LRRC20: variants seen among roughly 807,000 people sequenced by gnomAD.
LRRC20 encodes the protein leucine-rich repeat-containing protein 20.
LRRC20 carries 11 observed loss-of-function variants against 14.4 expected under a neutral mutation model. That is an observed-to-expected ratio of 0.77 (90% confidence interval 0.48 to 1.27). The LOEUF is 1.27. LRRC20 is among the 50% of genes most tolerant of loss of function. The probability of loss-of-function intolerance (pLI) is 0.00; values close to 1 mark genes in which losing one functional copy is unlikely to be tolerated. For synonymous variants in LRRC20, 121 were observed against 107.3 expected, an observed-to-expected ratio of 1.13 and a Z score of -0.79; for missense variants, 219 against 251.2, an observed-to-expected ratio of 0.87 and a Z score of 0.87.
rs1258075173 is a variant in LRRC20, at chr10:70,300,351, A to G, written c.*1003T>C. 1 of 985,234 alleles carries G rather than the reference A, an allele frequency of 1.0e-6. No homozygotes were observed. Among genetic ancestry groups the G allele is most frequent in the African/African-American group, 1.7e-5 (1 of 57,230 alleles). The allele number at this position is 985,234 out of a possible 1,614,324, so 61.0% of individuals were successfully genotyped here. On this transcript the variant is annotated 3_prime_UTR_variant, in exon 5 of 5. Transcript: ENST00000446961. ...CAGCTGGTCACCCTGTTGCCTGACC[A>G]TACCCTAAGATGCCAGGTTGAGGGC...
intron 4 of LRRC20, among the ~76,000 whole-genome samples, chr10:70,316,360 T>C (rs1219026989): frequency 6.6e-6 from 1 of 152,226 alleles, no homozygotes; most frequent in Non-Finnish European, 1.5e-5. Flanking sequence ...CTCAAACTCC[T>C]GACCTCAAGT....
chr10:70,300,997 G>T lies in LRRC20; in HGVS notation c.*357C>A. ...ATGCCCACCTGTGCCTGCTGATCTG[G>T]AGGTAACTTGGAGGCACGTACTGCT... On this transcript the variant is annotated 3_prime_UTR_variant, in exon 5 of 5. Transcript: ENST00000446961. 2 of 1,032,558 alleles carry T rather than the reference G, an allele frequency of 1.9e-6. No individual in the cohort carries two copies. Among genetic ancestry groups the T allele is most frequent in the Non-Finnish European group, 2.3e-6 (2 of 861,400 alleles). 64.0% of individuals were successfully genotyped at this position (1,032,558 alleles called of 1,614,324 possible). A position where few individuals can be genotyped will look rare whatever the true frequency, so the allele number is the denominator to read the frequency against.
intron 4 of LRRC20, among the ~76,000 whole-genome samples, chr10:70,323,565 G>C (rs1842182863): frequency 6.6e-6 from 1 of 152,232 alleles, no homozygotes; most frequent in African/African-American, 2.4e-5. Flanking sequence ...GCCTAGGCTG[G>C]TAGGTGAGAA....
At position 70,362,112 on chromosome 10, in the gene LRRC20, G is replaced by A. The variant is rs540053371; in HGVS notation, c.82+14340C>T. On this transcript the variant is annotated intron_variant, in intron 2 of 4. Coordinates refer to ENST00000446961, the MANE Select transcript of LRRC20 (RefSeq NM_001278212.2). ...AAGCACGAGAATCACTTGAACCCAG[G>A]AGGCGGAGGTTGCAGTGAGCTGAGA... Among the ~76,000 whole-genome samples the A allele has an allele frequency of 2.6e-5, 4 of 152,354 alleles. No homozygotes were observed. The East Asian group carries it at 7.7e-4, about 29-fold the overall frequency.
intron 2 of LRRC20, among the ~76,000 whole-genome samples, chr10:70,349,919 C>A (rs375242801): frequency 6.6e-6 from 1 of 152,126 alleles, no homozygotes; most frequent in South Asian, 2.1e-4. Flanking sequence ...TTTAGGGTCA[C>A]CCTAGATTCA....
chr10:70,309,381 A>C (rs1157348803), intron 4 of LRRC20, among the ~76,000 whole-genome samples: 2 of 152,206 alleles, frequency 1.3e-5, no homozygotes, highest in Admixed American at 1.3e-4. Flanking sequence ...TTGATGCCCA[A>C]GGTTGCCACG....
intron 2 of LRRC20, among the ~76,000 whole-genome samples, chr10:70,376,237 G>A (rs1256525095): frequency 2.0e-5 from 3 of 152,214 alleles, no homozygotes; most frequent in Non-Finnish European, 2.9e-5. Context: ...GCAGGCAGGC[G>A]CCATCACTCA....
At chr10:70,311,222 A>ATTTTTTTTTTTTTTTTTTTTT (rs11314061) in intron 4 of LRRC20, among the ~76,000 whole-genome samples, 13 of 86,346 alleles carry the variant, frequency 1.5e-4, no homozygotes, top group Non-Finnish European at 1.7e-4. Flanking sequence ...TCAACATTCC[A>ATTTTTTTTTTTTTTTTTTTTT]TTTTTTTTTT....
At chr10:70,326,252 C>G (rs1342892216) in intron 3 of LRRC20, among the ~76,000 whole-genome samples, 2 of 151,032 alleles carry the variant, frequency 1.3e-5, no homozygotes, top group Admixed American at 1.3e-4. Context: ...CCCAGGTATC[C>G]CTACAGTGAA....
At chr10:70,335,114 CT>C (rs983880438) in intron 3 of LRRC20, among the ~76,000 whole-genome samples, 3 of 152,166 alleles carry the variant, frequency 2.0e-5, no homozygotes, top group African/African-American at 7.2e-5. Context: ...TTATGGCTGG[CT>C]GGCATCTCCC....
chr10:70,305,100 C>G (rs1841369889), intron 4 of LRRC20, among the ~76,000 whole-genome samples: 2 of 152,172 alleles, frequency 1.3e-5, no homozygotes, highest in Admixed American at 1.3e-4. Flanking sequence ...AGGAGAATCT[C>G]TTGAACCTGG....
chr10:70,374,080 C>T (rs896780061), intron 2 of LRRC20, among the ~76,000 whole-genome samples: 3 of 152,140 alleles, frequency 2.0e-5, no homozygotes, highest in African/African-American at 7.2e-5. Context: ...CCAGGCTCTC[C>T]GCCTGCCAGG....
At chr10:70,301,597 G>C in intron 4 of LRRC20, 89 bp from the exon 5 acceptor site, 1 of 1,466,720 alleles carries the variant, frequency 6.8e-7, no homozygotes. Context: ...CTGAGCACCT[G>C]ATGGTGAGGG....
intron 4 of LRRC20, among the ~76,000 whole-genome samples, chr10:70,311,159 G>A (rs925756367): frequency 6.6e-6 from 1 of 151,720 alleles, no homozygotes; most frequent in Non-Finnish European, 1.5e-5. Flanking sequence ...TAATCCATGG[G>A]ATGGATGTAC....
chr10:70,322,134 C>T (rs1373955862), intron 4 of LRRC20, among the ~76,000 whole-genome samples: 1 of 152,020 alleles, frequency 6.6e-6, no homozygotes, highest in Admixed American at 6.5e-5. Flanking sequence ...CTGGCAAAAG[C>T]CACCTTCTTA....
intron 2 of LRRC20, among the ~76,000 whole-genome samples, chr10:70,371,434 C>T (rs7350394): frequency 0.75 from 114,511 of 151,904 alleles, 43,289 homozygotes; most frequent in Non-Finnish European, 0.77. Context: ...AGTCTCGGGC[C>T]TCAGGCCTTT....
chr10:70,361,556 G>A (rs1477018991), intron 2 of LRRC20, among the ~76,000 whole-genome samples: 1 of 152,204 alleles, frequency 6.6e-6, no homozygotes, highest in African/African-American at 2.4e-5. Flanking sequence ...TAAGATCTGA[G>A]AGGTACAGTG....
intron 2 of LRRC20, among the ~76,000 whole-genome samples, chr10:70,369,014 G>A (rs1844149765): frequency 2.0e-5 from 3 of 152,242 alleles, no homozygotes; most frequent in Admixed American, 6.5e-5. Context: ...TGAAGGAACT[G>A]ACAGAGGGAC....
intron 3 of LRRC20, among the ~76,000 whole-genome samples, chr10:70,324,918 G>A (rs1482286675): frequency 6.6e-6 from 1 of 152,114 alleles, no homozygotes; most frequent in Admixed American, 6.5e-5. Context: ...CGTCTCACCT[G>A]TAGCAAGGAG....
Sources: allele counts gnomAD v4.1 joint callset (sites outside exome capture counted in the v4.1 genomes callset), GRCh38; gene constraint gnomAD v4.1.1; transcripts MANE v1.5; gene names NCBI Gene and HGNC (gene_info 2026-07-23, HGNC 2026-07-21).